Variants in JPH2 observed in about 807,000 individuals in gnomAD.
JPH2 encodes the protein junctophilin-2.
JPH2 carries 38 observed loss-of-function variants against 55.9 expected under a neutral mutation model. The observed-to-expected ratio is 0.68, with a 90% CI of 0.52 to 0.89. JPH2 has a LOEUF of 0.89. JPH2 is among the 40% of genes least tolerant of loss of function. The pLI, the probability that JPH2 is intolerant of heterozygous loss-of-function variation, is 0.00. For missense variants in JPH2, 964 were observed against 1,037.6 expected (o/e 0.93, Z 0.97); for synonymous variants, 480 against 472.4 (o/e 1.02, Z -0.21).
chr20:44,175,995 T>C (rs6031437), intron 1 of JPH2, among the ~76,000 whole-genome samples: 139,948 of 152,266 alleles, frequency 0.92, 64,501 homozygotes, highest in East Asian at 1. Flanking sequence ...TCCTGACCCT[T>C]CCTCCTCAAA....
chr20:44,179,156 C>G (rs895009701), intron 1 of JPH2, among the ~76,000 whole-genome samples: 2 of 152,070 alleles, frequency 1.3e-5, no homozygotes, highest in East Asian at 3.9e-4. Context: ...CATGCCATAC[C>G]CTGTTCTAAG....
chr20:44,179,067 C>T (rs1391399365), intron 1 of JPH2, among the ~76,000 whole-genome samples: 2 of 152,114 alleles, frequency 1.3e-5, no homozygotes, highest in Non-Finnish European at 2.9e-5. Context: ...TTGACCCAAT[C>T]GTCATAATTA....
At chr20:44,133,893 AAT>A (rs1177625293) in intron 2 of JPH2, among the ~76,000 whole-genome samples, 1 of 45,592 alleles carries the variant, frequency 2.2e-5, no homozygotes, top group Non-Finnish European at 3.9e-5. Flanking sequence ...ATTTATTATA[AAT>A]ATATATAAAT....
rs138017620 is a variant in JPH2, at chr20:44,118,590, C to T, written c.1203G>A (p.Ala401=). 1.9e-5 allele frequency: 31 copies of T among 1,612,090 alleles called. 1 individual carries two copies. Among genetic ancestry groups the T allele is most frequent in the Admixed American group, 1.3e-4 (8 of 60,006 alleles). The change falls in exon 3 of 6, where the codon GCG becomes GCA. Residue 401 remains alanine, a synonymous_variant. Coordinates refer to ENST00000372980, the MANE Select transcript of JPH2 (RefSeq NM_020433.5). ...TSHAKAKAEA[A]EQAALAANQE... is the part of the protein sequence containing the mutation. Reference sequence around the variant, plus strand: ...GGTTGGCAGCCAGGGCGGCCTGTTCCGCTGCCTCAGCTTTGGCCTTGGCGT... The same window carrying T: ...GGTTGGCAGCCAGGGCGGCCTGTTCTGCTGCCTCAGCTTTGGCCTTGGCGT...
chr20:44,160,373 G>T lies in JPH2; in HGVS notation c.414C>A (p.Arg138=), dbSNP rs759488753. 7 of 1,607,160 alleles carry T rather than the reference G, an allele frequency of 4.4e-6. No individual in the cohort carries two copies. In the Admixed American group the frequency reaches 1.2e-4, roughly 27 times the overall value. Residue 138 remains arginine (R), a synonymous_variant, in exon 2 of 6, where the codon CGC becomes CGA. Transcript: ENST00000372980. The surrounding 1 kb of genome is among the most constrained non-coding windows in gnomAD (Gnocchi z 4.9). ...TYQGQFTNGM[R]HGYGVRQSVP... ...CGCTCTGGCGTACTCCGTAGCCATG[G>T]CGCATGCCGTTGGTGAACTGGCCTT... is the stretch of plus-strand genomic sequence containing the variant.
At chr20:44,117,076 C>G (rs1285370035) in intron 3 of JPH2, among the ~76,000 whole-genome samples, 1 of 152,152 alleles carries the variant, frequency 6.6e-6, no homozygotes, top group African/African-American at 2.4e-5. Flanking sequence ...GTCAGGAGAT[C>G]GAGACGATCC....
In JPH2 at chr20:44,110,106, T is replaced by C. The variant is rs2072131754; in HGVS notation, c.*3412A>G. 1.3e-5 allele frequency among the ~76,000 whole-genome samples: 2 copies of C among 152,156 alleles called. No individual in the cohort carries two copies. Among genetic ancestry groups the C allele is most frequent in the Admixed American group, 1.3e-4 (2 of 15,282 alleles). On this transcript the variant is annotated 3_prime_UTR_variant, in exon 6 of 6. Transcript: ENST00000372980. Reference sequence around the variant, plus strand: ...GCCAACAGGGGGTGCTGTCTCCGACTAACCCTACCTGGCTCTGAGTCTCCA... The same window carrying C: ...GCCAACAGGGGGTGCTGTCTCCGACCAACCCTACCTGGCTCTGAGTCTCCA...
At chr20:44,174,524 A>G (rs2072719675) in intron 1 of JPH2, among the ~76,000 whole-genome samples, 1 of 152,348 alleles carries the variant, frequency 6.6e-6, no homozygotes, top group East Asian at 1.9e-4. Context: ...CTGCAATCCC[A>G]GCACTTTGGG....
In JPH2 at chr20:44,113,200, G is replaced by A. The variant is rs1391892917; in HGVS notation, c.*318C>T. 2 of 152,652 alleles carry A rather than the reference G, an allele frequency of 1.3e-5. No individual in the cohort carries two copies. Among genetic ancestry groups the A allele is most frequent in the African/African-American group, 4.8e-5 (2 of 41,462 alleles). 9.5% of individuals were successfully genotyped at this position (152,652 alleles called of 1,614,324 possible). ...CCAGGGAGGGGACAACCTAGGGAAAGGCAAGGGAGTGGAGGAGAGCGGGGG... is the reference window on the plus strand; with the variant it reads ...CCAGGGAGGGGACAACCTAGGGAAAAGCAAGGGAGTGGAGGAGAGCGGGGG... On this transcript the variant is annotated 3_prime_UTR_variant, in exon 6 of 6. Transcript: ENST00000372980.
chr20:44,186,785 G>A lies in JPH2; in HGVS notation c.-80C>T. 5 of 1,411,164 alleles carry A rather than the reference G, an allele frequency of 3.5e-6. No homozygotes were observed. The highest frequency in any genetic ancestry group is 3.0e-6 in the Non-Finnish European group (3 of 1,010,952). The allele number at this position is 1,411,164 out of a possible 1,614,324, so 87.4% of individuals were successfully genotyped here. Reference sequence around the variant, plus strand: ...GGGTGATGCCTGCAACACTCCTCCAGTGCCCTCGGGGGCAGGCCCCCAGAC... The same window carrying A: ...GGGTGATGCCTGCAACACTCCTCCAATGCCCTCGGGGGCAGGCCCCCAGAC... On this transcript the variant is annotated 5_prime_UTR_variant, in exon 1 of 6. Transcript: ENST00000372980.
In JPH2 at chr20:44,115,964, C is replaced by T; in HGVS notation, c.1711G>A (p.Val571Met). The stretch of plus-strand genomic sequence containing the variant: ...GGGGGCTCGGGCGGCGTGGTGCGCA[C>T]AGCATAGCTGTGGTAGCCCTGGTAA... ...ALYQGYHSYA[V>M]RTTPPEPPPF... Residue 571 changes from valine to methionine, a missense_variant, in exon 4 of 6, where the codon GTG (valine) becomes ATG (methionine). Physicochemically the swap from Val to Met is conservative, Grantham distance 21 (BLOSUM62 1). Coordinates refer to ENST00000372980, the MANE Select transcript of JPH2 (RefSeq NM_020433.5). 1.3e-6 allele frequency: 2 copies of T among 1,574,792 alleles called. No individual in the cohort carries two copies. Among genetic ancestry groups the T allele is most frequent in the East Asian group, 2.3e-5 (1 of 43,768 alleles).
rs1033875163 is a variant in JPH2 at position 44,151,820 on chromosome 20, C to G, written c.1169+7798G>C. ...TCTAATCTTTCCCCACCCATTCCAG[C>G]ATTCTGGATGACTCATTGCTCCCAA... On this transcript the variant is annotated intron_variant, in intron 2 of 5. Coordinates refer to ENST00000372980, the MANE Select transcript of JPH2 (RefSeq NM_020433.5). Among the ~76,000 whole-genome samples the G allele has an allele frequency of 4.6e-5, 7 of 152,238 alleles. No individual in the cohort carries two copies. The South Asian group carries it at 1.4e-3, about 31-fold the overall frequency.
chr20:44,170,846 C>T (rs540000781), intron 1 of JPH2, among the ~76,000 whole-genome samples: 25 of 152,286 alleles, frequency 1.6e-4, no homozygotes, highest in African/African-American at 5.1e-4. Context: ...ATCATCATTT[C>T]GATGTTACAA....
intron 1 of JPH2, among the ~76,000 whole-genome samples, chr20:44,184,784 C>A (rs959064152): frequency 5.3e-5 from 8 of 152,216 alleles, no homozygotes; most frequent in Non-Finnish European, 1.0e-4. Flanking sequence ...CCCACCCTCA[C>A]AAACGTAACT....
chr20:44,143,189 A>G (rs893634377), intron 2 of JPH2, among the ~76,000 whole-genome samples: 1 of 152,082 alleles, frequency 6.6e-6, no homozygotes, highest in African/African-American at 2.4e-5. Context: ...TGATGGGGAG[A>G]GTGGTATGAG....
At chr20:44,182,187 G>T (rs1018166203) in intron 1 of JPH2, among the ~76,000 whole-genome samples, 2 of 152,166 alleles carry the variant, frequency 1.3e-5, no homozygotes, top group African/African-American at 4.8e-5. Flanking sequence ...CTAATCACAG[G>T]ATCTTATTTG....
intron 2 of JPH2, among the ~76,000 whole-genome samples, chr20:44,155,593 G>A (rs575205739): frequency 5.3e-5 from 8 of 152,198 alleles, no homozygotes; most frequent in South Asian, 4.1e-4. Flanking sequence ...AGGATGGAGC[G>A]GGAAAAGAGG....
chr20:44,153,727 G>T (rs1041433214), intron 2 of JPH2, among the ~76,000 whole-genome samples: 1 of 152,240 alleles, frequency 6.6e-6, no homozygotes, highest in Non-Finnish European at 1.5e-5. Flanking sequence ...ACTACTTCCT[G>T]CTTGTCAGCC....
intron 1 of JPH2, among the ~76,000 whole-genome samples, chr20:44,183,819 T>C (rs1465277939): frequency 6.6e-6 from 1 of 151,914 alleles, no homozygotes; most frequent in Non-Finnish European, 1.5e-5. Flanking sequence ...AGAGTTTGAG[T>C]GATGATTCAA....
Sources: allele counts gnomAD v4.1 joint callset (sites outside exome capture counted in the v4.1 genomes callset), GRCh38; gene constraint gnomAD v4.1.1; non-coding constraint Gnocchi (gnomAD v3.1); transcripts MANE v1.5; gene names NCBI Gene and HGNC (gene_info 2026-07-23, HGNC 2026-07-21).